Variants in AUTS2 observed in about 807,000 individuals in gnomAD.
AUTS2 encodes activator of transcription and developmental regulator AUTS2.
A neutral mutation model predicts 112.4 loss-of-function variants in AUTS2; 17 were observed. That is an observed-to-expected ratio of 0.15 (90% confidence interval 0.10 to 0.23). The LOEUF is 0.23. Ranked by LOEUF, AUTS2 falls within the 10% of genes least tolerant of loss-of-function variation. The probability of loss-of-function intolerance (pLI) is 1.00; values close to 1 mark genes in which losing one functional copy is unlikely to be tolerated. For synonymous variants in AUTS2, 751 were observed against 702.7 expected, an observed-to-expected ratio of 1.07 and a Z score of -1.09; for missense variants, 1,510 against 1,701.6, an observed-to-expected ratio of 0.89 and a Z score of 1.98.
intron 2 of AUTS2, among the ~76,000 whole-genome samples, chr7:70,024,082 C>T (rs537796366): frequency 6.6e-6 from 1 of 152,310 alleles, no homozygotes; most frequent in South Asian, 2.1e-4. Context: ...ACAAGGGTGT[C>T]ATAGAAACAG....
chr7:70,461,717 C>T (rs747577208), intron 5 of AUTS2, among the ~76,000 whole-genome samples: 6 of 152,050 alleles, frequency 3.9e-5, no homozygotes, highest in Non-Finnish European at 8.8e-5. Flanking sequence ...AGATAAATTA[C>T]CCTAGGACAC....
chr7:70,543,179 A>G (rs2129506142), intron 5 of AUTS2, among the ~76,000 whole-genome samples: 1 of 152,254 alleles, frequency 6.6e-6, no homozygotes, highest in South Asian at 2.1e-4. Flanking sequence ...AGATCCAAAT[A>G]AGGGAGGAGT....
At chr7:69,778,515 A>C (rs914402258) in intron 1 of AUTS2, among the ~76,000 whole-genome samples, 2 of 152,040 alleles carry the variant, frequency 1.3e-5, no homozygotes, top group African/African-American at 4.8e-5. Context: ...ATGTGCAGTA[A>C]GGTTTGGGAC....
intron 5 of AUTS2, among the ~76,000 whole-genome samples, chr7:70,640,931 G>C (rs950248808): frequency 8.5e-5 from 13 of 152,070 alleles, no homozygotes; most frequent in African/African-American, 2.9e-4. Flanking sequence ...CCGGGCTTCT[G>C]ATCTCCCCCG....
At chr7:69,830,287 G>A (rs1344510199) in intron 1 of AUTS2, among the ~76,000 whole-genome samples, 1 of 151,972 alleles carries the variant, frequency 6.6e-6, no homozygotes, top group Non-Finnish European at 1.5e-5. Flanking sequence ...ATGCATGCAG[G>A]GCTTAAAACC....
intron 2 of AUTS2, among the ~76,000 whole-genome samples, chr7:70,081,589 T>C (rs1803319801): frequency 6.6e-6 from 1 of 151,822 alleles, no homozygotes; most frequent in African/African-American, 2.4e-5. Flanking sequence ...AAAAAGAAAC[T>C]GAGAACAAAA....
intron 5 of AUTS2, among the ~76,000 whole-genome samples, chr7:70,619,603 A>G (rs1436494089): frequency 6.6e-6 from 1 of 151,238 alleles, no homozygotes; most frequent in African/African-American, 2.4e-5. Context: ...AATATATTGT[A>G]TATTTTATAA....
At chr7:70,462,611 C>T (rs1021691091) in intron 5 of AUTS2, among the ~76,000 whole-genome samples, 6 of 152,078 alleles carry the variant, frequency 3.9e-5, no homozygotes, top group African/African-American at 7.2e-5. Flanking sequence ...ACAACCATGA[C>T]GTGATCATTA....
At chr7:70,680,859 C>T (rs535696797) in intron 5 of AUTS2, among the ~76,000 whole-genome samples, 1 of 152,166 alleles carries the variant, frequency 6.6e-6, no homozygotes, top group South Asian at 2.1e-4. Context: ...GCAGCACAAC[C>T]GAAAGTCTTG....
At chr7:70,761,638 GT>G (rs1789570349) in intron 6 of AUTS2, among the ~76,000 whole-genome samples, 1 of 152,122 alleles carries the variant, frequency 6.6e-6, no homozygotes, top group African/African-American at 2.4e-5. Flanking sequence ...TCGTTATTCT[GT>G]TTTGAGATTT....
intron 4 of AUTS2, among the ~76,000 whole-genome samples, chr7:70,296,866 G>A (rs1444969038): frequency 7.2e-6 from 1 of 139,624 alleles, no homozygotes; most frequent in South Asian, 2.2e-4. Flanking sequence ...TTTTGAGACA[G>A]TGTCTTGCTC....
At chr7:70,224,082 A>T (rs1283574065) in intron 4 of AUTS2, among the ~76,000 whole-genome samples, 1 of 152,114 alleles carries the variant, frequency 6.6e-6, no homozygotes, top group East Asian at 1.9e-4. Flanking sequence ...TAAGAGGCTG[A>T]GGCAGGTGGA....
chr7:70,685,486 AAAAAAAAGAAGAAG>A (rs1808426194), intron 5 of AUTS2, among the ~76,000 whole-genome samples: 1 of 151,534 alleles, frequency 6.6e-6, no homozygotes, highest in East Asian at 1.9e-4. Flanking sequence ...AAAAAAAAAA[AAAAAAAAGAAGAAG>A]AAAAAAGAGA....
At chr7:69,974,568 C>G (rs1797981204) in intron 2 of AUTS2, among the ~76,000 whole-genome samples, 1 of 152,016 alleles carries the variant, frequency 6.6e-6, no homozygotes, top group Non-Finnish European at 1.5e-5. Context: ...GCCTGAGAAC[C>G]ACAAGGGCTG....
chr7:70,239,553 A>G (rs1812499052), intron 4 of AUTS2, among the ~76,000 whole-genome samples: 1 of 152,096 alleles, frequency 6.6e-6, no homozygotes, highest in Admixed American at 6.6e-5. Flanking sequence ...CTCCTGCCTA[A>G]GCCTCCTGAG....
At chr7:70,279,522 A>G (rs1447793777) in intron 4 of AUTS2, among the ~76,000 whole-genome samples, 1 of 152,248 alleles carries the variant, frequency 6.6e-6, no homozygotes, top group African/African-American at 2.4e-5. Context: ...TCTTAAGTTC[A>G]TCACAGCAAT....
At chr7:69,800,067 C>G (rs1172368133) in intron 1 of AUTS2, among the ~76,000 whole-genome samples, 1 of 152,172 alleles carries the variant, frequency 6.6e-6, no homozygotes, top group Non-Finnish European at 1.5e-5. Flanking sequence ...AAGGATAGAT[C>G]AGTATCTTGG....
chr7:70,556,721 CTTCTGATAACCACCCAGTT>C (rs1336398563), intron 5 of AUTS2, among the ~76,000 whole-genome samples: 4 of 152,210 alleles, frequency 2.6e-5, no homozygotes, highest in African/African-American at 9.6e-5. Flanking sequence ...CATTACCTGT[CTTCTGATAACCACCCAGTT>C]TTCTGTCTCT....
At chr7:70,744,300 G>A (rs965195409) in intron 6 of AUTS2, among the ~76,000 whole-genome samples, 1 of 152,132 alleles carries the variant, frequency 6.6e-6, no homozygotes, top group Non-Finnish European at 1.5e-5. Context: ...ATTTGTCTGC[G>A]GTGAGGTAGA....
Sources: gnomAD v4.1 joint callset for allele counts (sites outside exome capture counted in the v4.1 genomes callset) on GRCh38, gnomAD v4.1.1 for gene constraint, MANE v1.5 for transcripts, NCBI Gene and HGNC (gene_info 2026-07-23, HGNC 2026-07-21) for gene names.